Variants in HSD17B12 observed in about 807,000 individuals in gnomAD.
HSD17B12 encodes the protein very-long-chain 3-oxoacyl-CoA reductase.
Under a neutral mutation model 39.3 loss-of-function variants are expected in HSD17B12, and 32 were observed. The ratio of observed to expected loss-of-function variants is 0.81; its 90% CI spans 0.61 to 1.09. The LOEUF is 1.09. Among genes scored for constraint, HSD17B12 ranks in the 50% least tolerant of loss-of-function variants. The pLI is 0.00. For synonymous variants in HSD17B12, 150 were observed against 146.7 expected (o/e 1.02, Z -0.16); for missense variants, 342 against 382.9 (o/e 0.89, Z 0.89).
At chr11:43,665,107 TTGTAA>T in the HSD17B12 span, among the ~76,000 whole-genome samples, 1 of 152,210 alleles carries the variant, frequency 6.6e-6, no homozygotes, top group East Asian at 1.9e-4. Context: ...ATATTAATAG[TTGTAA>T]ATAAGGCAAT....
the HSD17B12 span, among the ~76,000 whole-genome samples, chr11:43,675,092 G>C: frequency 6.6e-6 from 1 of 152,162 alleles, no homozygotes; most frequent in South Asian, 2.1e-4. Flanking sequence ...GCACATCTTA[G>C]CTAAAGATAC....
At chr11:43,691,274 A>G (rs1949860147) in intron 1 of HSD17B12, among the ~76,000 whole-genome samples, 2 of 152,220 alleles carry the variant, frequency 1.3e-5, no homozygotes, top group African/African-American at 4.8e-5. Flanking sequence ...AGCAGCCTTC[A>G]GCAACACTGG....
chr11:43,692,360 A>G (rs182788980), intron 1 of HSD17B12, among the ~76,000 whole-genome samples: 16 of 152,324 alleles, frequency 1.1e-4, no homozygotes, highest in Admixed American at 1.0e-3. Context: ...AAAGCTGGTT[A>G]CAGAGTTATG....
intron 4 of HSD17B12, among the ~76,000 whole-genome samples, chr11:43,801,595 G>GATATATATAT (rs55674379): frequency 6.7e-3 from 483 of 72,224 alleles, no homozygotes; most frequent in South Asian, 0.017. Context: ...GATAGTTGGA[G>GATATATATAT]ATATATATAT....
intron 9 of HSD17B12, among the ~76,000 whole-genome samples, chr11:43,847,076 A>G (rs1258172466): frequency 3.3e-5 from 3 of 91,836 alleles, no homozygotes; most frequent in Non-Finnish European, 5.2e-5. Flanking sequence ...GTTCAAGAAC[A>G]TGGGGAAGTG....
chr11:43,786,937 CT>C (rs1950820150), intron 3 of HSD17B12, among the ~76,000 whole-genome samples: 1 of 151,920 alleles, frequency 6.6e-6, no homozygotes, highest in Admixed American at 6.6e-5. Flanking sequence ...GTCAAAATGA[CT>C]TTGTTCTTTG....
At chr11:43,838,505 T>C in intron 8 of HSD17B12, 107 bp downstream of exon 8, 1 of 845,188 alleles carries the variant, frequency 1.2e-6, no homozygotes, top group Non-Finnish European at 2.0e-6. Flanking sequence ...CTTGGCAGTT[T>C]TCCAGTAGAC....
the HSD17B12 span, among the ~76,000 whole-genome samples, chr11:43,672,809 A>AG: frequency 6.6e-6 from 1 of 151,994 alleles, no homozygotes; most frequent in African/African-American, 2.4e-5. Context: ...CCAAAGTGCT[A>AG]GGATTACAGG....
chr11:43,764,948 T>G (rs1046626332), intron 3 of HSD17B12, among the ~76,000 whole-genome samples: 11 of 152,098 alleles, frequency 7.2e-5, no homozygotes, highest in African/African-American at 2.7e-4. Context: ...TGCTTTTTGT[T>G]TGCTATTTAT....
chr11:43,559,302 G>A, the HSD17B12 span, among the ~76,000 whole-genome samples: 1 of 152,166 alleles, frequency 6.6e-6, no homozygotes, highest in Admixed American at 6.5e-5. Context: ...AGTCCTCCAA[G>A]ACTGTCAGTA....
intron 1 of HSD17B12, among the ~76,000 whole-genome samples, chr11:43,684,219 A>C (rs1311806452): frequency 2.0e-5 from 3 of 152,234 alleles, no homozygotes; most frequent in Admixed American, 6.5e-5. Context: ...TTTAGTAAGT[A>C]AGACTTCTTT....
In HSD17B12 at chr11:43,719,207, G is replaced by C. The variant is rs1020552150; in HGVS notation, c.161-31704G>C. 122 of 671,086 alleles carry C rather than the reference G, an allele frequency of 1.8e-4. No individual in the cohort carries two copies. In the African/African-American group the frequency reaches 2.0e-3, roughly 11 times the overall value. 41.6% of individuals were successfully genotyped at this position (671,086 alleles called of 1,614,324 possible). A position where few individuals can be genotyped will look rare whatever the true frequency, so the allele number is the denominator to read the frequency against. On this transcript the variant is annotated intron_variant, in intron 1 of 10. Coordinates refer to ENST00000278353, the MANE Select transcript of HSD17B12 (RefSeq NM_016142.3). ...ATCTTTTCACCATATACATGCCTCT[G>C]TCAATTTCTGGTTGGGCTGGGAGGC... is the stretch of plus-strand genomic sequence containing the variant.
At chr11:43,577,713 G>A in the HSD17B12 span, among the ~76,000 whole-genome samples, 4 of 152,128 alleles carry the variant, frequency 2.6e-5, no homozygotes, top group Non-Finnish European at 4.4e-5. Flanking sequence ...AGTCATAGAA[G>A]CCCCAAGTGA....
chr11:43,839,167 A>G (rs1316945473), intron 8 of HSD17B12, among the ~76,000 whole-genome samples: 4 of 152,134 alleles, frequency 2.6e-5, no homozygotes, highest in African/African-American at 9.7e-5. Context: ...TAAGAACTTG[A>G]AACATTTCAG....
At chr11:43,757,614 T>TGGGC (rs1950518344) in intron 3 of HSD17B12, among the ~76,000 whole-genome samples, 2 of 100,756 alleles carry the variant, frequency 2.0e-5, no homozygotes, top group Non-Finnish European at 3.5e-5. Context: ...CAGTCCGGCC[T>TGGGC]GGGCGACAGA....
intron 7 of HSD17B12, chr11:43,833,798 CT>C (rs1352274679): frequency 6.6e-6 from 1 of 152,180 alleles, no homozygotes; most frequent in Non-Finnish European, 1.5e-5. Context: ...TCCAAACCCT[CT>C]AGAACTATAG....
the HSD17B12 span, among the ~76,000 whole-genome samples, chr11:43,622,824 T>G: frequency 5.9e-5 from 9 of 152,182 alleles, no homozygotes; most frequent in East Asian, 1.9e-4. Flanking sequence ...ATTTTTTGTG[T>G]GGGGGATTAT....
At chr11:43,725,111 T>C (rs1950209507) in intron 1 of HSD17B12, among the ~76,000 whole-genome samples, 1 of 152,168 alleles carries the variant, frequency 6.6e-6, no homozygotes, top group Non-Finnish European at 1.5e-5. Flanking sequence ...AAAATACTTC[T>C]ATGTATATTT....
upstream of HSD17B12, chr11:43,680,700 T>G: frequency 4.0e-6 from 3 of 743,672 alleles, no homozygotes; most frequent in African/African-American, 1.8e-5. Context: ...GCGGGCGGGG[T>G]TTAGGCCCAA....
Sources: allele counts gnomAD v4.1 joint callset (sites outside exome capture counted in the v4.1 genomes callset), GRCh38; gene constraint gnomAD v4.1.1; transcripts MANE v1.5; gene names NCBI Gene and HGNC (gene_info 2026-07-23, HGNC 2026-07-21).